MEGF11: variants seen among roughly 807,000 people sequenced by gnomAD.
MEGF11 encodes multiple epidermal growth factor-like domains protein 11.
Under a neutral mutation model 146.6 loss-of-function variants are expected in MEGF11, and 126 were observed. The observed-to-expected ratio is 0.86, with a 90% CI of 0.74 to 1.00. The LOEUF (loss-of-function observed/expected upper bound fraction) is 1.00, where lower values mean the gene tolerates loss of function less well. Among genes scored for constraint, MEGF11 ranks in the 50% least tolerant of loss-of-function variants. MEGF11 has a pLI of 0.00. For synonymous variants in MEGF11, 532 were observed against 583.4 expected, an observed-to-expected ratio of 0.91 and a Z score of 1.27; for missense variants, 1,509 against 1,521.2, an observed-to-expected ratio of 0.99 and a Z score of 0.13.
chr15:65,925,616 G>A lies in MEGF11; in HGVS notation c.1676-2647C>T, dbSNP rs1035429507. ...GTTACCTTCCTGGGCCCCAGTTTTC[G>A]CTACAGTTGGATAGGGATAGTCCCC... On this transcript the variant is annotated intron_variant, in intron 13 of 25. Coordinates refer to ENST00000395614, the MANE Select transcript of MEGF11 (RefSeq NM_001385028.1). 2.6e-5 allele frequency among the ~76,000 whole-genome samples: 4 copies of A among 152,104 alleles called. No homozygotes were observed. The South Asian group carries it at 6.2e-4, about 24-fold the overall frequency.
At chr15:66,048,235 C>T (rs978046858) in intron 5 of MEGF11, among the ~76,000 whole-genome samples, 4 of 152,180 alleles carry the variant, frequency 2.6e-5, no homozygotes, top group South Asian at 2.1e-4. Flanking sequence ...CATGAGGCAC[C>T]GCGCCCAGCC....
chr15:66,201,811 T>C (rs1203278222), intron 1 of MEGF11, among the ~76,000 whole-genome samples: 3 of 149,492 alleles, frequency 2.0e-5, no homozygotes, highest in Non-Finnish European at 4.4e-5. Context: ...ACCAGGCATG[T>C]TGGTGCGAGC....
At chr15:65,949,786 G>A (rs1037194755) in intron 10 of MEGF11, among the ~76,000 whole-genome samples, 3 of 152,240 alleles carry the variant, frequency 2.0e-5, no homozygotes, top group Non-Finnish European at 2.9e-5. Context: ...CAGGCACCAA[G>A]GTGGCAGTAA....
chr15:66,004,654 G>T (rs1481739814), intron 5 of MEGF11, among the ~76,000 whole-genome samples: 1 of 152,146 alleles, frequency 6.6e-6, no homozygotes, highest in African/African-American at 2.4e-5. Context: ...CAACAGAAAG[G>T]ACTGAATTTG....
At chr15:65,932,265 G>A (rs2079606171) in intron 10 of MEGF11, among the ~76,000 whole-genome samples, 1 of 152,136 alleles carries the variant, frequency 6.6e-6, no homozygotes. Flanking sequence ...CCACTGGGAT[G>A]GGGGAAGGGG....
intron 10 of MEGF11, among the ~76,000 whole-genome samples, chr15:65,939,171 G>A (rs997714840): frequency 2.0e-5 from 3 of 152,194 alleles, no homozygotes; most frequent in Non-Finnish European, 4.4e-5. Flanking sequence ...GGCCAAGGTG[G>A]CATGAGCCTG....
chr15:65,942,822 T>C (rs1251661747), intron 10 of MEGF11, among the ~76,000 whole-genome samples: 2 of 152,054 alleles, frequency 1.3e-5, no homozygotes, highest in African/African-American at 4.8e-5. Flanking sequence ...GAGAACAGAA[T>C]GAAGCTTCCC....
In MEGF11 at chr15:65,924,089, T is replaced by G. The variant is rs546745029; in HGVS notation, c.1676-1120A>C. Among the ~76,000 whole-genome samples the G allele has an allele frequency of 3.3e-5, 5 of 151,608 alleles. No homozygotes were observed. The East Asian group carries it at 7.7e-4, about 23-fold the overall frequency. On this transcript the variant is annotated intron_variant, in intron 13 of 25. Transcript: ENST00000395614. Reference sequence around the variant, plus strand: ...AAAGGAGAAAGACACTCATGCCCAGTGAACAGAGCCAGCCCTACCAGCAGC... The same window carrying G: ...AAAGGAGAAAGACACTCATGCCCAGGGAACAGAGCCAGCCCTACCAGCAGC...
At chr15:65,936,194 C>T (rs1232305068) in intron 10 of MEGF11, among the ~76,000 whole-genome samples, 1 of 152,068 alleles carries the variant, frequency 6.6e-6, no homozygotes, top group Non-Finnish European at 1.5e-5. Context: ...TGGGTGTCTT[C>T]CCTGACACTC....
intron 10 of MEGF11, among the ~76,000 whole-genome samples, chr15:65,939,349 C>G (rs1596872744): frequency 6.6e-6 from 1 of 152,196 alleles, no homozygotes; most frequent in Non-Finnish European, 1.5e-5. Context: ...GGCAAAAGCA[C>G]TAGCCCAAGG....
At chr15:66,144,751 G>A (rs2141016320) in intron 1 of MEGF11, among the ~76,000 whole-genome samples, 1 of 152,306 alleles carries the variant, frequency 6.6e-6, no homozygotes, top group Non-Finnish European at 1.5e-5. Flanking sequence ...GACTGTCAAT[G>A]AACAAACCTT....
chr15:65,907,428 G>A (rs977676705), intron 23 of MEGF11, among the ~76,000 whole-genome samples: 2 of 151,936 alleles, frequency 1.3e-5, no homozygotes, highest in African/African-American at 4.8e-5. Flanking sequence ...CTGAGTAGCT[G>A]GGACTACAGG....
At chr15:65,969,749 G>C (rs1356624514) in intron 8 of MEGF11, among the ~76,000 whole-genome samples, 2 of 152,116 alleles carry the variant, frequency 1.3e-5, no homozygotes, top group African/African-American at 4.8e-5. Flanking sequence ...TAAAGTCCAA[G>C]AGCCAGAAAT....
chr15:66,094,271 T>A (rs1237637170), intron 5 of MEGF11, 131 bp downstream of exon 5: 1 of 636,352 alleles, frequency 1.6e-6, no homozygotes, highest in Non-Finnish European at 2.7e-6. Context: ...TCCCTGATGT[T>A]CACACAGGCC....
At chr15:66,106,818 C>G (rs1209327300) in intron 4 of MEGF11, among the ~76,000 whole-genome samples, 1 of 152,132 alleles carries the variant, frequency 6.6e-6, no homozygotes. Flanking sequence ...ACATCTGCAG[C>G]GTCAAATGAG....
At chr15:66,090,972 G>A (rs2086296180) in intron 5 of MEGF11, among the ~76,000 whole-genome samples, 1 of 152,156 alleles carries the variant, frequency 6.6e-6, no homozygotes, top group South Asian at 2.1e-4. Context: ...TTATCTCTGG[G>A]GTGGAGAGTT....
intron 5 of MEGF11, among the ~76,000 whole-genome samples, chr15:66,024,319 C>G (rs778194521): frequency 6.6e-6 from 1 of 152,256 alleles, no homozygotes; most frequent in African/African-American, 2.4e-5. Context: ...CTGGGGCGCC[C>G]GGGGCTGCGC....
At position 65,896,549 on chromosome 15, in the gene MEGF11, G is replaced by A. The variant is rs932954947; in HGVS notation, c.*1385C>T. 5.2e-5 allele frequency: 8 copies of A among 152,636 alleles called. No individual in the cohort carries two copies. Among genetic ancestry groups the A allele is most frequent in the Non-Finnish European group, 1.0e-4 (7 of 68,040 alleles). 9.5% of individuals were successfully genotyped at this position (152,636 alleles called of 1,614,324 possible). ...TGTACCAGTGAATAGAGTGGTACAG[G>A]AGTAGCCGTTAGCTTCCTAGGTTTG... is the stretch of plus-strand genomic sequence containing the variant. On this transcript the variant is annotated 3_prime_UTR_variant, in exon 26 of 26. Transcript: ENST00000395614.
intron 12 of MEGF11, 37 bp downstream of exon 12, chr15:65,929,683 C>A: frequency 6.5e-7 from 1 of 1,536,832 alleles, no homozygotes; most frequent in Non-Finnish European, 8.8e-7. Context: ...TGAGGGGATG[C>A]GGAGCCCAAC....
Sources: allele counts gnomAD v4.1 joint callset (sites outside exome capture counted in the v4.1 genomes callset), GRCh38; gene constraint gnomAD v4.1.1; transcripts MANE v1.5; gene names NCBI Gene and HGNC (gene_info 2026-07-23, HGNC 2026-07-21).